The following MACF1 variants were observed in gnomAD, a reference collection of about 807,000 sequenced individuals.
MACF1 encodes the protein microtubule-actin cross-linking factor 1.
Under a neutral mutation model 854.8 loss-of-function variants are expected in MACF1, and 193 were observed. The ratio of observed to expected loss-of-function variants is 0.23; its 90% confidence interval spans 0.20 to 0.25. The LOEUF is 0.25. MACF1 is among the 10% of genes least tolerant of loss of function. The probability of loss-of-function intolerance (pLI) is 1.00; values close to 1 mark genes in which losing one functional copy is unlikely to be tolerated. For synonymous variants in MACF1, 3,185 were observed against 3,226.7 expected, an observed-to-expected ratio of 0.99 and a Z score of 0.44; for missense variants, 7,722 against 8,929.1, an observed-to-expected ratio of 0.86 and a Z score of 5.45.
chr1:39,295,078 T>C lies in MACF1; in HGVS notation c.2187T>C (p.Asp729=), dbSNP rs554437195. Residue 729 remains aspartate, a synonymous_variant, in exon 19 of 101, where the codon GAT becomes GAC. Coordinates refer to ENST00000564288, the MANE Select transcript of MACF1 (RefSeq NM_001394062.1). ...ELTMELEEKQ[D]VFRSLQDTAE... ...CAATGGAACTGGAGGAGAAACAGGA[T>C]GTGTTTCGTTCTCTACAAGATACAG... 1.2e-5 allele frequency: 19 copies of C among 1,613,964 alleles called. No individual in the cohort carries two copies. The South Asian group carries it at 1.4e-4, about 12-fold the overall frequency.
At chr1:39,472,985 C>T (rs1644805877) in intron 97 of MACF1, among the ~76,000 whole-genome samples, 1 of 152,216 alleles carries the variant, frequency 6.6e-6, no homozygotes, top group Non-Finnish European at 1.5e-5. Context: ...CTGTAGTAAC[C>T]TGGAAGGATG....
chr1:39,160,955 A>G (rs1643786355), intron 2 of MACF1, among the ~76,000 whole-genome samples: 3 of 152,134 alleles, frequency 2.0e-5, no homozygotes, highest in Non-Finnish European at 4.4e-5. Context: ...TTTTCTTGGC[A>G]TGGTTCAGCT....
upstream of MACF1, among the ~76,000 whole-genome samples, chr1:39,202,577 G>C (rs1644404426): frequency 6.6e-6 from 1 of 151,816 alleles, no homozygotes; most frequent in African/African-American, 2.4e-5. Flanking sequence ...ACAGGTTGCA[G>C]TGAGCCAAGA....
intron 2 of MACF1, among the ~76,000 whole-genome samples, chr1:39,130,776 C>T (rs1271392160): frequency 6.6e-6 from 1 of 152,000 alleles, no homozygotes; most frequent in Non-Finnish European, 1.5e-5. Flanking sequence ...AATCAACGTT[C>T]CCTAGATGCT....
intron 2 of MACF1, among the ~76,000 whole-genome samples, chr1:39,100,197 C>T (rs368329016): frequency 7.9e-5 from 12 of 152,278 alleles, no homozygotes; most frequent in East Asian, 5.8e-4. Context: ...TGCCACCGCA[C>T]TCCAGCCTGG....
chr1:39,246,557 G>A (rs1644982702), intron 2 of MACF1, among the ~76,000 whole-genome samples: 1 of 152,088 alleles, frequency 6.6e-6, no homozygotes, highest in African/African-American at 2.4e-5. Context: ...TGCCCGGGCT[G>A]GAGTACAATG....
intron 2 of MACF1, among the ~76,000 whole-genome samples, chr1:39,247,313 C>G (rs907288370): frequency 1.3e-5 from 2 of 151,846 alleles, no homozygotes; most frequent in East Asian, 3.9e-4. Context: ...CCTCGTGATC[C>G]GCCCGTCTCG....
intron 89 of MACF1, 182 bp from the exon 90 acceptor site, chr1:39,458,188 A>G: frequency 8.8e-6 from 5 of 565,158 alleles, no homozygotes; most frequent in Non-Finnish European, 1.6e-5. Flanking sequence ...ACATTTCAAC[A>G]TGAGATTTGG....
intron 15 of MACF1, among the ~76,000 whole-genome samples, chr1:39,291,076 A>C (rs1232216012): frequency 6.6e-6 from 1 of 151,852 alleles, no homozygotes; most frequent in East Asian, 1.9e-4. Context: ...GGTTCAAGCC[A>C]AGCAATTCTC....
At chr1:39,401,227 A>G (rs771102947) in intron 58 of MACF1, among the ~76,000 whole-genome samples, 1 of 152,138 alleles carries the variant, frequency 6.6e-6, no homozygotes, top group African/African-American at 2.4e-5. Flanking sequence ...AATTCATATT[A>G]TTTTCAAATC....
chr1:39,431,978 A>C (rs1035886144), intron 66 of MACF1, among the ~76,000 whole-genome samples: 2 of 152,186 alleles, frequency 1.3e-5, no homozygotes, highest in African/African-American at 2.4e-5. Flanking sequence ...CCTGTCTCTG[A>C]GGGGGCAGGG....
intron 2 of MACF1, among the ~76,000 whole-genome samples, chr1:39,086,766 C>T (rs1641683519): frequency 6.6e-6 from 1 of 152,180 alleles, no homozygotes; most frequent in African/African-American, 2.4e-5. Flanking sequence ...AGGCAAGGCT[C>T]CTAAGGACCC....
chr1:39,485,798 T>C lies in MACF1; in HGVS notation c.*4T>C. 6.3e-7 allele frequency: 1 copy of C among 1,578,260 alleles called. No individual in the cohort carries two copies. The highest frequency in any genetic ancestry group is 1.2e-5 in the South Asian group (1 of 86,938). On this transcript the variant is annotated 3_prime_UTR_variant, in exon 101 of 101. Coordinates refer to ENST00000564288, the MANE Select transcript of MACF1 (RefSeq NM_001394062.1). ...GACTCCAGGTCCCAAGCGATAACAC[T>C]GTCTAAGCACCCCCAAGCCACTATC... is the stretch of plus-strand genomic sequence containing the variant.
chr1:39,189,196 T>C (rs1485117340), intron 2 of MACF1, among the ~76,000 whole-genome samples: 1 of 152,232 alleles, frequency 6.6e-6, no homozygotes, highest in Non-Finnish European at 1.5e-5. Context: ...TTCCAATTTC[T>C]GAGCCTTTCT....
At chr1:39,457,212 C>G (rs599892) in intron 89 of MACF1, 51,947 of 152,226 alleles carry the variant, frequency 0.34, 9,352 homozygotes, top group African/African-American at 0.46. Flanking sequence ...ATCTTTGCCC[C>G]CTTGCCTGAC....
In MACF1 at chr1:39,414,656, G is replaced by A. The variant is rs1430663843; in HGVS notation, c.15817-7718G>A. ...GGAAAATATACTTTAATTTTGTCTG[G>A]TGAAAGACTTTATAATTTCATGCTT... is the stretch of plus-strand genomic sequence containing the variant. On this transcript the variant is annotated intron_variant, in intron 58 of 100. Coordinates refer to ENST00000564288, the MANE Select transcript of MACF1 (RefSeq NM_001394062.1). 3.2e-6 allele frequency: 3 copies of A among 923,550 alleles called. No individual in the cohort carries two copies. In the Admixed American group the frequency reaches 9.4e-5, roughly 29 times the overall value. 57.2% of individuals were successfully genotyped at this position (923,550 alleles called of 1,614,324 possible).
intron 36 of MACF1, among the ~76,000 whole-genome samples, chr1:39,327,835 C>T (rs1646645186): frequency 6.6e-6 from 1 of 152,286 alleles, no homozygotes; most frequent in South Asian, 2.1e-4. Context: ...GTTCCCCTCA[C>T]CCATAGTCAT....
In MACF1 at chr1:39,388,195, T is replaced by G. The variant is rs1196281762; in HGVS notation, c.15353T>G (p.Leu5118Arg). Residue 5118 changes from leucine (L) to arginine (R), a missense_variant, in exon 58 of 101, where the codon CTG (leucine) becomes CGG (arginine). This residue lies in a region of MACF1 where 2,807 missense variants were observed against 3,235.8 expected (regional missense o/e 0.87). Coordinates refer to ENST00000564288, the MANE Select transcript of MACF1 (RefSeq NM_001394062.1). Reference protein sequence around the residue: ...NSGCVMMENKLEGIGQFHCRV... With the variant: ...NSGCVMMENKREGIGQFHCRV... ...GGTTGTGTGATGATGGAAAACAAGC[T>G]GGAGGGGATTGGCCAGTTTCACTGC... The G allele has an allele frequency of 1.9e-6, 3 of 1,613,992 alleles. No individual in the cohort carries two copies. Among genetic ancestry groups the G allele is most frequent in the Non-Finnish European group, 2.5e-6 (3 of 1,180,034 alleles).
chr1:39,416,049 T>C (rs1163770474), intron 58 of MACF1, among the ~76,000 whole-genome samples: 3 of 152,184 alleles, frequency 2.0e-5, no homozygotes, highest in Non-Finnish European at 2.9e-5. Context: ...TTAAGTCAGC[T>C]AGAGCACCAG....
Sources: allele counts gnomAD v4.1 joint callset (sites outside exome capture counted in the v4.1 genomes callset), GRCh38; gene constraint gnomAD v4.1.1; regional missense constraint gnomAD v4.1.1; transcripts MANE v1.5; gene names NCBI Gene and HGNC (gene_info 2026-07-23, HGNC 2026-07-21).